Variants in RBMS3 observed in about 807,000 individuals in gnomAD.
The protein encoded by RBMS3 is RNA binding motif single stranded interacting protein 3.
Under a neutral mutation model 66.8 loss-of-function variants are expected in RBMS3, and 27 were observed. The observed-to-expected ratio is 0.40, with a 90% CI of 0.30 to 0.56. RBMS3 has a LOEUF of 0.56. RBMS3 is among the 20% of genes least tolerant of loss of function. RBMS3 has a pLI of 0.40. For synonymous variants in RBMS3, 188 were observed against 183.0 expected (o/e 1.03, Z -0.22); for missense variants, 513 against 549.5 (o/e 0.93, Z 0.66).
chr3:29,982,274 C>A (rs1036324446), intron 12 of RBMS3, among the ~76,000 whole-genome samples: 2 of 152,084 alleles, frequency 1.3e-5, no homozygotes, highest in African/African-American at 2.4e-5. Context: ...GTGATATCCC[C>A]TTTATTATTT....
chr3:29,984,232 A>G (rs1035411429), intron 12 of RBMS3, among the ~76,000 whole-genome samples: 1 of 151,804 alleles, frequency 6.6e-6, no homozygotes, highest in African/African-American at 2.4e-5. Flanking sequence ...TGCTTCATGA[A>G]GTTCTCATGC....
chr3:29,299,010 C>A (rs2033482669), intron 1 of RBMS3, among the ~76,000 whole-genome samples: 1 of 151,706 alleles, frequency 6.6e-6, no homozygotes, highest in Non-Finnish European at 1.5e-5. Flanking sequence ...AGGGAGGACT[C>A]ATGAACAAAG....
chr3:29,931,401 T>C lies in RBMS3; in HGVS notation c.940-4685T>C, dbSNP rs75833812. On this transcript the variant is annotated intron_variant, in intron 10 of 14. Coordinates refer to ENST00000383767, the MANE Select transcript of RBMS3 (RefSeq NM_001003793.3). ...CATGTAATTCATCATTTCCCATACCTCCAGCATTTGTCAAATCCTTCCAAA... is the reference window on the plus strand; with the variant it reads ...CATGTAATTCATCATTTCCCATACCCCCAGCATTTGTCAAATCCTTCCAAA... Among the ~76,000 whole-genome samples the C allele has an allele frequency of 3.1e-3, 473 of 152,244 alleles. 2 individuals carry two copies. Among genetic ancestry groups the C allele is most frequent in the African/African-American group, 0.011 (451 of 41,548 alleles).
chr3:29,857,129 C>T (rs769087150), intron 6 of RBMS3, among the ~76,000 whole-genome samples: 11 of 152,170 alleles, frequency 7.2e-5, no homozygotes, highest in Non-Finnish European at 1.5e-4. Flanking sequence ...ACTTTGAAAC[C>T]AGAATTGTAT....
chr3:29,637,805 T>C (rs2049529803), intron 4 of RBMS3, among the ~76,000 whole-genome samples: 1 of 151,826 alleles, frequency 6.6e-6, no homozygotes, highest in Non-Finnish European at 1.5e-5. Context: ...GAGGAAACCA[T>C]TTCTCTCTTT....
At chr3:29,552,704 C>T (rs912112107) in intron 3 of RBMS3, among the ~76,000 whole-genome samples, 7 of 152,114 alleles carry the variant, frequency 4.6e-5, no homozygotes, top group Non-Finnish European at 8.8e-5. Context: ...CAATGCTCAA[C>T]ACCTCAGAAC....
chr3:29,600,542 T>A (rs986205045), intron 4 of RBMS3, among the ~76,000 whole-genome samples: 2 of 152,042 alleles, frequency 1.3e-5, no homozygotes, highest in African/African-American at 4.8e-5. Flanking sequence ...GCCTCTTTTT[T>A]AAAAATATAA....
At chr3:29,770,973 C>T (rs2577123) in intron 6 of RBMS3, among the ~76,000 whole-genome samples, 39,302 of 151,890 alleles carry the variant, frequency 0.26, 5,342 homozygotes, top group Middle Eastern at 0.39. Flanking sequence ...TTGTAACCAT[C>T]AAAAAGCCTG....
rs370498322 is a variant in RBMS3 at position 29,472,572 on chromosome 3, G to A, written c.249-15869G>A. On this transcript the variant is annotated intron_variant, in intron 2 of 14. Coordinates refer to ENST00000383767, the MANE Select transcript of RBMS3 (RefSeq NM_001003793.3). ...AGGCGGCGCGTACCTTCTGATGTTC[G>A]GATGTGTTCGGAGTTTCTTCCTTTT... Among the ~76,000 whole-genome samples the A allele has an allele frequency of 1.6e-3, 243 of 151,868 alleles. 1 individual carries two copies. The South Asian group carries it at 0.029, about 18-fold the overall frequency.
At chr3:29,951,309 A>T (rs779328449) in intron 12 of RBMS3, among the ~76,000 whole-genome samples, 8 of 151,876 alleles carry the variant, frequency 5.3e-5, no homozygotes, top group Non-Finnish European at 8.8e-5. Flanking sequence ...TCATTCTCAC[A>T]CATGCAGTTT....
intron 3 of RBMS3, among the ~76,000 whole-genome samples, chr3:29,558,740 C>A (rs1330583349): frequency 6.6e-6 from 1 of 152,048 alleles, no homozygotes; most frequent in Non-Finnish European, 1.5e-5. Context: ...ATAAGCATCA[C>A]AACTATTTAT....
intron 1 of RBMS3, among the ~76,000 whole-genome samples, chr3:29,325,595 TAC>T (rs2035281505): frequency 6.9e-6 from 1 of 145,214 alleles, no homozygotes; most frequent in Admixed American, 6.9e-5. Flanking sequence ...TGTATATATA[TAC>T]GTGTGTGTAT....
intron 4 of RBMS3, among the ~76,000 whole-genome samples, chr3:29,648,263 A>ATTTTTT (rs749839563): frequency 0.018 from 1,423 of 77,544 alleles, 110 homozygotes; most frequent in Middle Eastern, 0.049. Context: ...GAAAATGTCT[A>ATTTTTT]TTTTTTTTTT....
chr3:29,440,646 C>T (rs2041584225), intron 2 of RBMS3, among the ~76,000 whole-genome samples: 1 of 152,132 alleles, frequency 6.6e-6, no homozygotes, highest in Admixed American at 6.5e-5. Flanking sequence ...AATGAAAAGC[C>T]AGAGGAACGA....
intron 6 of RBMS3, among the ~76,000 whole-genome samples, chr3:29,860,954 C>T (rs761423151): frequency 7.9e-5 from 12 of 152,158 alleles, no homozygotes; most frequent in Non-Finnish European, 1.8e-4. Flanking sequence ...AGCTCCGCCT[C>T]CCCGGTTCAC....
chr3:29,356,973 A>G (rs2037258203), intron 1 of RBMS3, among the ~76,000 whole-genome samples: 1 of 152,138 alleles, frequency 6.6e-6, no homozygotes, highest in Non-Finnish European at 1.5e-5. Context: ...TCCATGCATG[A>G]TTACATATAA....
At chr3:29,474,469 T>C (rs1325027276) in intron 2 of RBMS3, among the ~76,000 whole-genome samples, 5 of 152,248 alleles carry the variant, frequency 3.3e-5, no homozygotes, top group South Asian at 4.1e-4. Context: ...CTGATGTGGA[T>C]GTAGCAGAAA....
rs147934090 is a variant in RBMS3 at position 29,752,671 on chromosome 3, T to C, written c.558-10239T>C. Among the ~76,000 whole-genome samples, 486 of 152,304 alleles carry C rather than the reference T, an allele frequency of 3.2e-3. 2 individuals are homozygous for C. The highest frequency in any genetic ancestry group is 0.011 in the African/African-American group (456 of 41,570). ...TAGAAGCAAATTTTGTATTAATAGC[T>C]TTATAAGGTTCTCCATTTGCCAGTT... On this transcript the variant is annotated intron_variant, in intron 5 of 14. Transcript: ENST00000383767.
intron 10 of RBMS3, among the ~76,000 whole-genome samples, chr3:29,934,457 A>AT (rs1331677802): frequency 6.6e-6 from 1 of 152,104 alleles, no homozygotes; most frequent in African/African-American, 2.4e-5. Flanking sequence ...GCCAGTAAGT[A>AT]TTTTTTAAAA....
Sources: allele counts gnomAD v4.1 joint callset (sites outside exome capture counted in the v4.1 genomes callset), GRCh38; gene constraint gnomAD v4.1.1; transcripts MANE v1.5; gene names NCBI Gene and HGNC (gene_info 2026-07-23, HGNC 2026-07-21).